Variants in RAB3C observed in about 807,000 individuals in gnomAD.
The protein encoded by RAB3C is ras-related protein Rab-3C.
Under a neutral mutation model 26.4 loss-of-function variants are expected in RAB3C, and 17 were observed. The ratio of observed to expected loss-of-function variants is 0.64; its 90% CI spans 0.44 to 0.97. The LOEUF is 0.97. RAB3C is among the 50% of genes least tolerant of loss of function. The pLI, the probability that RAB3C is intolerant of heterozygous loss-of-function variation, is 0.00. For missense variants in RAB3C, 242 were observed against 281.9 expected (o/e 0.86, Z 1.01); for synonymous variants, 91 against 95.9 (o/e 0.95, Z 0.30).
At chr5:58,713,317 T>C (rs1441982580) in intron 2 of RAB3C, among the ~76,000 whole-genome samples, 3 of 152,184 alleles carry the variant, frequency 2.0e-5, no homozygotes, top group Non-Finnish European at 4.4e-5. Context: ...TCTTTTGAAA[T>C]TTTTCAAAAC....
At chr5:58,775,338 C>G (rs1243304277) in intron 3 of RAB3C, among the ~76,000 whole-genome samples, 1 of 152,086 alleles carries the variant, frequency 6.6e-6, no homozygotes, top group Non-Finnish European at 1.5e-5. Flanking sequence ...TATAAAACCT[C>G]AGGGCCAAAG....
intron 2 of RAB3C, among the ~76,000 whole-genome samples, chr5:58,622,790 A>G (rs1360613511): frequency 2.0e-5 from 3 of 152,326 alleles, no homozygotes; most frequent in African/African-American, 7.2e-5. Context: ...TAGCAAGGAA[A>G]CAGAAAACCA....
chr5:58,777,017 G>A (rs776549070), intron 3 of RAB3C, among the ~76,000 whole-genome samples: 5 of 152,118 alleles, frequency 3.3e-5, no homozygotes, highest in Admixed American at 1.3e-4. Flanking sequence ...AAGAATATTG[G>A]ACACTACTAG....
intron 2 of RAB3C, among the ~76,000 whole-genome samples, chr5:58,680,156 G>A (rs1239308190): frequency 6.6e-6 from 1 of 152,166 alleles, no homozygotes; most frequent in Non-Finnish European, 1.5e-5. Flanking sequence ...ATTTTTGAGT[G>A]AGGATTCAGA....
At chr5:58,832,166 C>G (rs886157271) in intron 4 of RAB3C, among the ~76,000 whole-genome samples, 1 of 152,108 alleles carries the variant, frequency 6.6e-6, no homozygotes, top group Non-Finnish European at 1.5e-5. Context: ...TTTCATGCAC[C>G]CTAGTCTAGT....
At chr5:58,753,796 T>C (rs1741585604) in intron 3 of RAB3C, among the ~76,000 whole-genome samples, 1 of 152,208 alleles carries the variant, frequency 6.6e-6, no homozygotes, top group South Asian at 2.1e-4. Context: ...TGGGATGAAA[T>C]GGCTGTCTCA....
intron 3 of RAB3C, among the ~76,000 whole-genome samples, chr5:58,779,317 G>C (rs1449214548): frequency 6.7e-6 from 1 of 148,606 alleles, no homozygotes; most frequent in African/African-American, 2.5e-5. Context: ...ATAGATGGTT[G>C]GAAATATATA....
At chr5:58,753,003 G>T (rs578108633) in intron 3 of RAB3C, among the ~76,000 whole-genome samples, 1 of 151,706 alleles carries the variant, frequency 6.6e-6, no homozygotes, top group South Asian at 2.1e-4. Context: ...CTTAAAGAAT[G>T]AAAAGGAATT....
intron 3 of RAB3C, among the ~76,000 whole-genome samples, chr5:58,763,500 T>C (rs1031199): frequency 0.29 from 43,340 of 152,040 alleles, 6,688 homozygotes; most frequent in Middle Eastern, 0.41. Context: ...CAGAAATCAG[T>C]CTCCCTACAC....
Position 58,669,361 on chromosome 5 carries a change from C to T in RAB3C, c.252+51491C>T, listed in dbSNP as rs185214667. Among the ~76,000 whole-genome samples the T allele has an allele frequency of 1.1e-3, 164 of 152,230 alleles. 1 individual carries two copies. The highest frequency in any genetic ancestry group is 3.0e-3 in the Admixed American group (46 of 15,282). On this transcript the variant is annotated intron_variant, in intron 2 of 4. Transcript: ENST00000282878. The stretch of plus-strand genomic sequence containing the variant: ...CCCTGTTGAGATGCAACCTCATGTT[C>T]AAAGAGCCTGCTGCCCAGGTCACAC...
rs566991424 is a variant in RAB3C, at chr5:58,644,009, C to T, written c.252+26139C>T. Reference sequence around the variant, plus strand: ...CTAATTTTCGTACTTTTAGTAGAGTCAGAGTTTCACCAAGTGGGTCAGGGT... The same window carrying T: ...CTAATTTTCGTACTTTTAGTAGAGTTAGAGTTTCACCAAGTGGGTCAGGGT... On this transcript the variant is annotated intron_variant, in intron 2 of 4. Transcript: ENST00000282878. Among the ~76,000 whole-genome samples, 12 of 151,974 alleles carry T rather than the reference C, an allele frequency of 7.9e-5. No homozygotes were observed. The East Asian group carries it at 2.1e-3, about 27-fold the overall frequency.
chr5:58,689,655 A>G (rs1460820112), intron 2 of RAB3C, among the ~76,000 whole-genome samples: 1 of 152,078 alleles, frequency 6.6e-6, no homozygotes, highest in Non-Finnish European at 1.5e-5. Flanking sequence ...GTCTAGTGGG[A>G]GAGCAGATCC....
intron 4 of RAB3C, among the ~76,000 whole-genome samples, chr5:58,840,119 G>T (rs752523397): frequency 1.3e-5 from 2 of 150,984 alleles, no homozygotes; most frequent in African/African-American, 4.9e-5. Flanking sequence ...ATAAATATTT[G>T]TTCACTTAGT....
chr5:58,588,965 C>G (rs1417579440), intron 1 of RAB3C, among the ~76,000 whole-genome samples: 1 of 152,124 alleles, frequency 6.6e-6, no homozygotes, highest in Non-Finnish European at 1.5e-5. Context: ...TGACAGCGGA[C>G]ATCCTTATCT....
At chr5:58,597,076 A>AATATATATAATGCATTATATATATTAT (rs1187806675) in intron 1 of RAB3C, among the ~76,000 whole-genome samples, 1 of 43,150 alleles carries the variant, frequency 2.3e-5, no homozygotes, top group Non-Finnish European at 3.9e-5. Flanking sequence ...TATATTATAT[A>AATATATATAATGCATTATATATATTAT]ATAATATATA....
At chr5:58,665,907 T>C (rs1012600689) in intron 2 of RAB3C, among the ~76,000 whole-genome samples, 1 of 152,192 alleles carries the variant, frequency 6.6e-6, no homozygotes, top group Non-Finnish European at 1.5e-5. Context: ...CATGGAATAC[T>C]ACACTTCTAC....
chr5:58,686,069 T>A (rs895555157), intron 2 of RAB3C, among the ~76,000 whole-genome samples: 2 of 152,138 alleles, frequency 1.3e-5, no homozygotes, highest in Non-Finnish European at 2.9e-5. Flanking sequence ...AAGACTGGAA[T>A]TAGAAAGACC....
chr5:58,653,058 G>C (rs886130426), intron 2 of RAB3C, among the ~76,000 whole-genome samples: 5 of 152,102 alleles, frequency 3.3e-5, no homozygotes, highest in Non-Finnish European at 7.4e-5. Flanking sequence ...TGCCATGGTG[G>C]TTTGCAGCAC....
intron 2 of RAB3C, among the ~76,000 whole-genome samples, chr5:58,717,554 G>A (rs1220016201): frequency 2.6e-5 from 4 of 152,118 alleles, no homozygotes; most frequent in African/African-American, 9.7e-5. Flanking sequence ...ATAGTGCCAT[G>A]ACATGGAAGA....
Sources: allele counts gnomAD v4.1 joint callset (sites outside exome capture counted in the v4.1 genomes callset), GRCh38; gene constraint gnomAD v4.1.1; transcripts MANE v1.5; gene names NCBI Gene and HGNC (gene_info 2026-07-23, HGNC 2026-07-21).